DBI: variants seen among roughly 807,000 people sequenced by gnomAD.
The protein encoded by DBI is acyl-CoA-binding protein.
Under a neutral mutation model 13.0 loss-of-function variants are expected in DBI, and 12 were observed. The ratio of observed to expected loss-of-function variants is 0.92; its 90% CI spans 0.59 to 1.49. The LOEUF is 1.49. Ranked by LOEUF, DBI falls within the 40% of genes most tolerant of loss-of-function variation. The pLI is 0.00. For synonymous variants in DBI, 37 were observed against 37.4 expected (o/e 0.99, Z 0.04); for missense variants, 95 against 104.8 (o/e 0.91, Z 0.41).
intron 2 of DBI, 100 bp downstream of exon 2, chr2:119,368,405 C>T: frequency 1.2e-6 from 1 of 837,942 alleles, no homozygotes; most frequent in Non-Finnish European, 2.0e-6. Context: ...CTGCCTGAGG[C>T]CCTACTCTTC....
chr2:119,367,681 G>A, intron 1 of DBI: 1 of 1,612,840 alleles, frequency 6.2e-7, no homozygotes, highest in South Asian at 1.1e-5. Context: ...GGGGAGGGAG[G>A]GGACCAACGG....
chr2:119,367,594 G>C (rs1277225037), intron 1 of DBI: 2 of 1,614,012 alleles, frequency 1.2e-6, no homozygotes, highest in East Asian at 4.5e-5. Flanking sequence ...TATGTGGGGC[G>C]ACCTCTGGCT....
chr2:119,372,367 A>G lies in DBI; in HGVS notation c.*49A>G. 3 of 1,427,474 alleles carry G rather than the reference A, an allele frequency of 2.1e-6. No individual in the cohort carries two copies. The highest frequency in any genetic ancestry group is 2.0e-6 in the Non-Finnish European group (2 of 1,011,092). 88.4% of individuals were successfully genotyped at this position (1,427,474 alleles called of 1,614,324 possible). A position where few individuals can be genotyped will look rare whatever the true frequency, so the allele number is the denominator to read the frequency against. The stretch of plus-strand genomic sequence containing the variant: ...CATGTGTTTATCCTAAACTGAGACA[A>G]TGCCTTGTTTTTTTCTAATACCGTG... On this transcript the variant is annotated 3_prime_UTR_variant, in exon 4 of 4. Coordinates refer to ENST00000355857, the MANE Select transcript of DBI (RefSeq NM_001079862.4).
chr2:119,370,925 A>C, intron 3 of DBI, 123 bp downstream of exon 3: 2 of 836,154 alleles, frequency 2.4e-6, no homozygotes, highest in Non-Finnish European at 3.7e-6. Flanking sequence ...AACCAGCCTG[A>C]CCTGTGCCAG....
At chr2:119,368,392 A>C in intron 2 of DBI, 87 bp downstream of exon 2, 8 of 958,320 alleles carry the variant, frequency 8.3e-6, no homozygotes, top group South Asian at 1.3e-5. Flanking sequence ...CTTCACTCTC[A>C]AACTGCCTGA....
rs1304443868 is a variant in DBI, at chr2:119,372,241, A to G, written c.191-4A>G. 5 of 1,611,692 alleles carry G rather than the reference A, an allele frequency of 3.1e-6. No individual in the cohort carries two copies. The South Asian group carries it at 3.3e-5, about 11-fold the overall frequency. On this transcript the variant is annotated splice_polypyrimidine_tract_variant and splice_region_variant and intron_variant, in intron 3 of 3. Transcript: ENST00000355857. ...TGACACATAATCCTGTCGATTCCTT[A>G]CAGGGACTTCCAAGGAAGATGCCAT...
At chr2:119,367,272 G>A in intron 1 of DBI, 3 of 1,437,292 alleles carry the variant, frequency 2.1e-6, no homozygotes, top group Non-Finnish European at 2.7e-6. Context: ...CGCAACTGCC[G>A]GAAAGTTGCC....
Position 119,368,214 on chromosome 2 carries a change from G to A in DBI, c.36G>A (p.Glu12=). ...SQAEFEKAAE[E]VRHLKTKPSD... Reference sequence around the variant, plus strand: ...CTGAGTTTGAGAAAGCTGCAGAGGAGGTTAGGCACCTTAAGACCAAGCCAT... The same window carrying A: ...CTGAGTTTGAGAAAGCTGCAGAGGAAGTTAGGCACCTTAAGACCAAGCCAT... The change falls in exon 2 of 4, where the codon GAG becomes GAA. Residue 12 remains glutamate, a synonymous_variant. Transcript: ENST00000355857. 1 of 1,613,772 alleles carries A rather than the reference G, an allele frequency of 6.2e-7. No individual in the cohort carries two copies. Among genetic ancestry groups the A allele is most frequent in the Non-Finnish European group, 8.5e-7 (1 of 1,180,026 alleles).
At chr2:119,370,692 C>G (rs1681447607) in intron 2 of DBI, 48 bp from the exon 3 acceptor site, 9 of 1,536,168 alleles carry the variant, frequency 5.9e-6, no homozygotes, top group Non-Finnish European at 7.2e-6. Context: ...ATCAAGTTCT[C>G]CATTAGAATT....
chr2:119,370,595 A>C, intron 2 of DBI, 145 bp from the exon 3 acceptor site: 1 of 610,942 alleles, frequency 1.6e-6, no homozygotes, highest in South Asian at 2.5e-5. Flanking sequence ...TTAGGGCAGA[A>C]CCCACTCTAC....
At chr2:119,372,161 C>A in intron 3 of DBI, 84 bp from the exon 4 acceptor site, 1 of 958,112 alleles carries the variant, frequency 1.0e-6, no homozygotes. Flanking sequence ...AGGAGAGTTA[C>A]AGCAGAGCTG....
intron 1 of DBI, chr2:119,367,833 T>A: frequency 6.2e-7 from 1 of 1,613,144 alleles, no homozygotes; most frequent in Non-Finnish European, 8.5e-7. Flanking sequence ...GGCCAGGCAG[T>A]TGGCCGCGCT....
rs774821188 is a variant in DBI at position 119,372,246 on chromosome 2, G to A, written c.192G>A (p.Gly64=). The A allele has an allele frequency of 3.1e-6, 5 of 1,612,550 alleles. No homozygotes were observed. The highest frequency in any genetic ancestry group is 1.3e-5 in the African/African-American group (1 of 74,894). ...AKWDAWNELK[G]TSKEDAMKAY... ...CATAATCCTGTCGATTCCTTACAGGGACTTCCAAGGAAGATGCCATGAAAG... is the reference window on the plus strand; with the variant it reads ...CATAATCCTGTCGATTCCTTACAGGAACTTCCAAGGAAGATGCCATGAAAG... Residue 64 remains glycine (G), a splice_region_variant and synonymous_variant, in exon 4 of 4, where the codon GGG becomes GGA. Coordinates refer to ENST00000355857, the MANE Select transcript of DBI (RefSeq NM_001079862.4).
At position 119,372,389 on chromosome 2, in the gene DBI, C is replaced by A. The variant is rs1396712574; in HGVS notation, c.*71C>A. On this transcript the variant is annotated 3_prime_UTR_variant, in exon 4 of 4. Coordinates refer to ENST00000355857, the MANE Select transcript of DBI (RefSeq NM_001079862.4). ...ACAATGCCTTGTTTTTTTCTAATAC[C>A]GTGGATGGTGGGAATTCGGGAAAAT... The A allele has an allele frequency of 4.1e-6, 5 of 1,217,580 alleles. No homozygotes were observed. The East Asian group carries it at 7.1e-5, about 17-fold the overall frequency. 75.4% of individuals were successfully genotyped at this position (1,217,580 alleles called of 1,614,324 possible). A position where few individuals can be genotyped will look rare whatever the true frequency, so the allele number is the denominator to read the frequency against.
At chr2:119,371,224 A>T (rs994108763) in intron 3 of DBI, among the ~76,000 whole-genome samples, 1 of 152,206 alleles carries the variant, frequency 6.6e-6, no homozygotes, top group Non-Finnish European at 1.5e-5. Flanking sequence ...AAAGAAGGGA[A>T]TGAGCTAATG....
intron 3 of DBI, 69 bp downstream of exon 3, chr2:119,370,871 A>G: frequency 7.0e-7 from 1 of 1,423,006 alleles, no homozygotes; most frequent in Non-Finnish European, 9.8e-7. Flanking sequence ...TATGAAGTGT[A>G]AGGGAAGAGG....
intron 3 of DBI, 119 bp from the exon 4 acceptor site, chr2:119,372,126 C>T (rs1167203223): frequency 8.3e-6 from 6 of 722,136 alleles, no homozygotes; most frequent in Non-Finnish European, 1.5e-5. Flanking sequence ...AGAATCTCAA[C>T]TTTATTAAGT....
At chr2:119,367,611 G>T (rs561008955) in intron 1 of DBI, 1 of 1,613,982 alleles carries the variant, frequency 6.2e-7, no homozygotes, top group Admixed American at 1.7e-5. Flanking sequence ...GGCTCCTCCC[G>T]CCTGCCTCTG....
intron 2 of DBI, chr2:119,370,257 G>C (rs1233346357): frequency 6.6e-6 from 1 of 152,358 alleles, no homozygotes; most frequent in Non-Finnish European, 1.5e-5. Flanking sequence ...AGATCAGCAA[G>C]AAATAGACTA....
Sources: allele counts gnomAD v4.1 joint callset (sites outside exome capture counted in the v4.1 genomes callset), GRCh38; gene constraint gnomAD v4.1.1; transcripts MANE v1.5; gene names NCBI Gene and HGNC (gene_info 2026-07-23, HGNC 2026-07-21).